The following NPIPB8 variants were observed in gnomAD, a reference collection of about 807,000 sequenced individuals.
NPIPB8 encodes nuclear pore complex interacting protein family member B8.
In NPIPB8, 3 loss-of-function variants were observed where a neutral mutation model predicts 5.3. That is an observed-to-expected ratio of 0.57 (90% confidence interval 0.26 to 1.47). The LOEUF is 1.47. NPIPB8 is among the 40% of genes most tolerant of loss of function. NPIPB8 has a pLI of 0.13. For missense variants in NPIPB8, 50 were observed against 50.2 expected (o/e 1.00, Z 0.01); for synonymous variants, 18 against 23.0 (o/e 0.78, Z 0.62).
chr16:28,645,221 G>A lies in NPIPB8; in HGVS notation c.121-2914G>A, dbSNP rs1235302418. ...AATTTTTGTATTTTTAGTAGAGACG[G>A]GGTTTCACCATGTTCGCCAGGATAG... On this transcript the variant is annotated intron_variant, in intron 2 of 7. Transcript: ENST00000683297. Among the ~76,000 whole-genome samples, 3 of 121,720 alleles carry A rather than the reference G, an allele frequency of 2.5e-5. 1 individual carries two copies. The highest frequency in any genetic ancestry group is 6.0e-5 in the African/African-American group (2 of 33,234). The allele number at this position is 121,720 out of a possible 152,430, so 79.9% of individuals were successfully genotyped here.
chr16:28,639,210 A>G (rs375974262), intron 2 of NPIPB8, among the ~76,000 whole-genome samples: 2,504 of 146,564 alleles, frequency 0.017, 47 homozygotes, highest in African/African-American at 0.059. Flanking sequence ...TAAAAGAATT[A>G]ACCACATCAC....
intron 2 of NPIPB8, among the ~76,000 whole-genome samples, chr16:28,639,402 C>A (rs574528932): frequency 1.4e-5 from 2 of 146,252 alleles, no homozygotes; most frequent in Admixed American, 6.8e-5. Flanking sequence ...TATAGATACA[C>A]ACACACACAC....
intron 2 of NPIPB8, among the ~76,000 whole-genome samples, chr16:28,640,472 T>A (rs1596673713): frequency 6.6e-6 from 1 of 151,794 alleles, no homozygotes; most frequent in Admixed American, 6.6e-5. Flanking sequence ...TGCCTCGAGG[T>A]GACACGCTTC....
chr16:28,644,971 T>C lies in NPIPB8; in HGVS notation c.121-3164T>C, dbSNP rs1240844363. On this transcript the variant is annotated intron_variant, in intron 2 of 7. Transcript: ENST00000683297. ...CTGAGATGGCCCCGCTGCACTCTTG[T>C]CTCTAACAAACAAAATGGACCAAAA... Among the ~76,000 whole-genome samples the C allele has an allele frequency of 5.1e-4, 54 of 105,398 alleles. 2 individuals are homozygous for C. The highest frequency in any genetic ancestry group is 1.9e-3 in the African/African-American group (52 of 27,466). The allele number at this position is 105,398 out of a possible 152,430, so 69.1% of individuals were successfully genotyped here.
chr16:28,638,557 G>A lies in NPIPB8; in HGVS notation c.120+77G>A, dbSNP rs560915648. ...TCTCAGCTGCCACACATCTCATAGC[G>A]GGTGATGCTGGGGGAAGCTTACGCA... On this transcript the variant is annotated intron_variant, in intron 2 of 7. Coordinates refer to ENST00000683297, the MANE Select transcript of NPIPB8 (RefSeq NM_001310136.2). The A allele has an allele frequency of 2.0e-5, 29 of 1,442,568 alleles. 1 individual carries two copies. Among genetic ancestry groups the A allele is most frequent in the African/African-American group, 1.0e-4 (7 of 68,246 alleles). The allele number at this position is 1,442,568 out of a possible 1,614,324, so 89.4% of individuals were successfully genotyped here.
chr16:28,642,112 T>G (rs560398065), intron 2 of NPIPB8, among the ~76,000 whole-genome samples: 1 of 151,478 alleles, frequency 6.6e-6, no homozygotes, highest in South Asian at 2.1e-4. Context: ...GGCTTCTTTT[T>G]TTTTTTGAGA....
At chr16:28,640,574 T>A (rs2047878425) in intron 2 of NPIPB8, among the ~76,000 whole-genome samples, 1 of 152,052 alleles carries the variant, frequency 6.6e-6, no homozygotes, top group Non-Finnish European at 1.5e-5. Flanking sequence ...CTTGGTGGAC[T>A]CCATTAAGAC....
intron 2 of NPIPB8, among the ~76,000 whole-genome samples, chr16:28,640,903 G>A (rs899353949): frequency 1.3e-5 from 2 of 152,036 alleles, no homozygotes; most frequent in African/African-American, 4.8e-5. Flanking sequence ...TGATTTGGAA[G>A]GATATCAAGA....
chr16:28,639,457 T>TATATATA (rs1476845046), intron 2 of NPIPB8, among the ~76,000 whole-genome samples: 1 of 85,312 alleles, frequency 1.2e-5, no homozygotes, highest in African/African-American at 4.4e-5. Flanking sequence ...ATATATATAT[T>TATATATA]TTTTTTTTTT....
intron 2 of NPIPB8, among the ~76,000 whole-genome samples, chr16:28,641,209 T>A (rs1272755783): frequency 6.6e-6 from 1 of 151,562 alleles, no homozygotes; most frequent in Non-Finnish European, 1.5e-5. Context: ...AGAGAGATGC[T>A]CCATGAGGCC....
intron 2 of NPIPB8, among the ~76,000 whole-genome samples, chr16:28,642,193 C>A (rs1596676384): frequency 1.3e-5 from 2 of 151,512 alleles, no homozygotes; most frequent in South Asian, 4.2e-4. Context: ...GCAACCTCCG[C>A]CTCCCGGGCC....
At chr16:28,641,079 C>T (rs1186127928) in intron 2 of NPIPB8, among the ~76,000 whole-genome samples, 2 of 151,914 alleles carry the variant, frequency 1.3e-5, no homozygotes, top group Admixed American at 6.6e-5. Context: ...TGCATGTATT[C>T]TGTGCATTTT....
intron 5 of NPIPB8, among the ~76,000 whole-genome samples, chr16:28,652,624 T>C (rs1183858921): frequency 1.8e-5 from 2 of 113,604 alleles, no homozygotes; most frequent in Non-Finnish European, 3.5e-5. Flanking sequence ...TTTTTTTTTT[T>C]CCTGAGATGG....
At chr16:28,643,042 G>T (rs901790161) in intron 2 of NPIPB8, among the ~76,000 whole-genome samples, 3 of 151,922 alleles carry the variant, frequency 2.0e-5, no homozygotes, top group Non-Finnish European at 4.4e-5. Context: ...AGACAGTGGG[G>T]GTCTGTCCTG....
intron 3 of NPIPB8, among the ~76,000 whole-genome samples, chr16:28,651,262 C>T (rs1217245513): frequency 2.8e-4 from 10 of 35,772 alleles, no homozygotes; most frequent in Non-Finnish European, 3.6e-4. Context: ...GGATTATAGG[C>T]GTGAGCTACC....
chr16:28,641,011 C>T (rs963877236), intron 2 of NPIPB8, among the ~76,000 whole-genome samples: 13 of 152,010 alleles, frequency 8.6e-5, no homozygotes, highest in African/African-American at 2.7e-4. Context: ...TGAGAGTGCT[C>T]AGATTAGGGC....
chr16:28,638,515 C>A, intron 2 of NPIPB8, 35 bp downstream of exon 2: 1 of 1,525,878 alleles, frequency 6.6e-7, no homozygotes, highest in Non-Finnish European at 8.8e-7. Context: ...GCCTGGTGCC[C>A]TTGAGCAGTT....
chr16:28,638,254 A>T (rs2047826350), intron 1 of NPIPB8, 69 bp from the exon 2 acceptor site: 7 of 1,531,368 alleles, frequency 4.6e-6, no homozygotes, highest in African/African-American at 1.4e-5. Context: ...GCTCTTGACC[A>T]CTATAGACTC....
intron 5 of NPIPB8, among the ~76,000 whole-genome samples, chr16:28,652,637 C>A (rs1266741282): frequency 4.5e-5 from 5 of 111,706 alleles, no homozygotes; most frequent in African/African-American, 1.6e-4. Context: ...TGAGATGGAG[C>A]TTTGCTGTTG....
Sources: gnomAD v4.1 joint callset for allele counts (sites outside exome capture counted in the v4.1 genomes callset) on GRCh38, gnomAD v4.1.1 for gene constraint, MANE v1.5 for transcripts, NCBI Gene and HGNC (gene_info 2026-07-23, HGNC 2026-07-21) for gene names.